TRPM1: variants seen among roughly 807,000 people sequenced by gnomAD.
TRPM1 encodes the protein TRPM1-203 APA Isoform, Intron 10.
A neutral mutation model predicts 149.4 loss-of-function variants in TRPM1; 113 were observed. The ratio of observed to expected loss-of-function variants is 0.76; its 90% CI spans 0.65 to 0.88. The LOEUF (loss-of-function observed/expected upper bound fraction) is 0.88, where lower values mean the gene tolerates loss of function less well. Ranked by LOEUF, TRPM1 falls within the 40% of genes least tolerant of loss-of-function variation. The probability of loss-of-function intolerance (pLI) is 0.00; values close to 1 mark genes in which losing one functional copy is unlikely to be tolerated. For missense variants in TRPM1, 1,976 were observed against 2,038.7 expected, an observed-to-expected ratio of 0.97 and a Z score of 0.59; for synonymous variants, 741 against 759.5, an observed-to-expected ratio of 0.98 and a Z score of 0.40.
chr15:31,109,278 G>C (rs2035649818), intron 1 of TRPM1, among the ~76,000 whole-genome samples: 1 of 121,170 alleles, frequency 8.3e-6, no homozygotes, highest in Non-Finnish European at 1.6e-5. Flanking sequence ...AGGTTGCAGT[G>C]ACCCGAGATC....
In TRPM1 at chr15:31,026,924, G is replaced by T. The variant is rs763463725; in HGVS notation, c.3487C>A (p.Arg1163Ser). 2 of 1,613,794 alleles carry T rather than the reference G, an allele frequency of 1.2e-6. No individual in the cohort carries two copies. Among genetic ancestry groups the T allele is most frequent in the Admixed American group, 1.7e-5 (1 of 60,004 alleles). ...KREGDQEERD[R>S]GLKLFLSDEE... ...AGAGCCCTGCACATACTCAATCCAC[G>T]ATCCCGTTCCTCTTGGTCCCCTTCT... The change falls in exon 26 of 28, where the codon CGT becomes AGT. Residue 1163 changes from arginine to serine, a missense_variant. Around this residue, in one of 3 missense-constraint regions of TRPM1, gnomAD observed 572 missense variants for 578.9 expected, o/e 0.99. Coordinates refer to ENST00000256552, the MANE Select transcript of TRPM1 (RefSeq NM_001252024.2).
At chr15:31,156,279 G>A (rs994272256) in intron 1 of TRPM1, among the ~76,000 whole-genome samples, 16 of 145,092 alleles carry the variant, frequency 1.1e-4, no homozygotes, top group African/African-American at 3.6e-4. Flanking sequence ...GAAATGGCCC[G>A]CCATCTTTTG....
chr15:31,058,784 T>C (rs1446752962), intron 11 of TRPM1, among the ~76,000 whole-genome samples: 1 of 152,130 alleles, frequency 6.6e-6, no homozygotes, highest in Non-Finnish European at 1.5e-5. Context: ...AGGTGACCAA[T>C]ATAAGAATTA....
chr15:31,025,046 A>G (rs2032676269), intron 27 of TRPM1, among the ~76,000 whole-genome samples: 1 of 152,166 alleles, frequency 6.6e-6, no homozygotes, highest in Non-Finnish European at 1.5e-5. Flanking sequence ...TGCACCAGGG[A>G]GACCTAAGGT....
At chr15:31,114,536 T>C (rs2035771894) in intron 1 of TRPM1, among the ~76,000 whole-genome samples, 1 of 152,224 alleles carries the variant, frequency 6.6e-6, no homozygotes, top group South Asian at 2.1e-4. Context: ...CAAACGATAG[T>C]GAAATTGTTG....
chr15:31,133,322 C>G (rs1389367658), intron 1 of TRPM1, among the ~76,000 whole-genome samples: 2 of 151,866 alleles, frequency 1.3e-5, no homozygotes, highest in East Asian at 3.9e-4. Flanking sequence ...AGTCCCAGTA[C>G]TTTGGGAGGC....
At chr15:31,034,054 G>A (rs1194916956) in intron 21 of TRPM1, among the ~76,000 whole-genome samples, 1 of 152,194 alleles carries the variant, frequency 6.6e-6, no homozygotes, top group Admixed American at 6.5e-5. Context: ...AGTATTGGTT[G>A]TATATCAGTT....
At chr15:31,160,336 C>T (rs1209859180) in intron 1 of TRPM1, among the ~76,000 whole-genome samples, 1 of 152,172 alleles carries the variant, frequency 6.6e-6, no homozygotes, top group African/African-American at 2.4e-5. Context: ...GGCCGTTCCC[C>T]ACAGCTGGTG....
intron 17 of TRPM1, 26 bp downstream of exon 17, chr15:31,041,925 C>T (rs1369759571): frequency 6.4e-5 from 104 of 1,613,776 alleles, no homozygotes; most frequent in Non-Finnish European, 8.8e-5. Context: ...TCTCTCCTGG[C>T]CTTTAAATCC....
In TRPM1 at chr15:31,127,110, T is replaced by A. The variant is rs551456982; in HGVS notation, c.54+33796A>T. Among the ~76,000 whole-genome samples the A allele has an allele frequency of 3.9e-5, 6 of 152,328 alleles. No homozygotes were observed. In the East Asian group the frequency reaches 1.2e-3, roughly 29 times the overall value. ...TGTTAAGCAATTTACCCCATGAAGC[T>A]GGTTTGTGAAGGCCCCAGGCTGAAG... On this transcript the variant is annotated intron_variant, in intron 1 of 26. Transcript: ENST00000542188.
At position 31,098,768 on chromosome 15, in the gene TRPM1, G is replaced by T. The variant is rs552728134; in HGVS notation, c.-84+2889C>A. 4.6e-5 allele frequency among the ~76,000 whole-genome samples: 7 copies of T among 152,126 alleles called. No homozygotes were observed. The East Asian group carries it at 7.8e-4, about 17-fold the overall frequency. On this transcript the variant is annotated intron_variant, in intron 1 of 27. Transcript: ENST00000256552. Reference sequence around the variant, plus strand: ...ACCCACCCTGGGGGAGCAGACACAGGATGGATAAGTTGTGATGAGGGAGGA... The same window carrying T: ...ACCCACCCTGGGGGAGCAGACACAGTATGGATAAGTTGTGATGAGGGAGGA...
intron 13 of TRPM1, among the ~76,000 whole-genome samples, chr15:31,048,521 G>T (rs1177681461): frequency 1.3e-5 from 2 of 152,158 alleles, no homozygotes; most frequent in Non-Finnish European, 2.9e-5. Context: ...AAGTTGGCCA[G>T]AATCAGTGGC....
chr15:31,009,683 C>A (rs1453818301), intron 27 of TRPM1, among the ~76,000 whole-genome samples: 1 of 151,970 alleles, frequency 6.6e-6, no homozygotes, highest in African/African-American at 2.4e-5. Flanking sequence ...AATGTTATAC[C>A]TTTTGTTATT....
chr15:31,034,537 C>T (rs571261442), intron 21 of TRPM1, among the ~76,000 whole-genome samples: 5 of 152,344 alleles, frequency 3.3e-5, no homozygotes, highest in African/African-American at 1.2e-4. Context: ...ACAGACTCCA[C>T]AGTGTCCAGT....
chr15:31,058,185 T>TA lies in TRPM1; in HGVS notation c.1263+2358dup, dbSNP rs58340925. 6.5e-4 allele frequency among the ~76,000 whole-genome samples: 97 copies of TA among 149,510 alleles called. No homozygotes were observed. In the South Asian group the frequency reaches 7.6e-3, roughly 12 times the overall value. On this transcript the variant is annotated intron_variant, in intron 11 of 27. Transcript: ENST00000256552. ...AAACTAAAGATACAATAAAAATACT[T>TA]AAAAAAAAAAAAGAATAGATACAGC...
intron 4 of TRPM1, 147 bp downstream of exon 4, chr15:31,069,865 CTAAAAGCCATGTGCACAGA>C (rs2034482721): frequency 6.3e-7 from 1 of 1,580,778 alleles, no homozygotes; most frequent in Non-Finnish European, 8.5e-7. Context: ...AGCCTCATGG[CTAAAAGCCATGTGCACAGA>C]TATATCTCTT....
intron 27 of TRPM1, among the ~76,000 whole-genome samples, chr15:31,022,612 A>C (rs993706542): frequency 6.6e-6 from 1 of 152,230 alleles, no homozygotes; most frequent in Non-Finnish European, 1.5e-5. Flanking sequence ...TTGGCTCTTG[A>C]GTCTGCTCCT....
At position 31,050,412 on chromosome 15, in the gene TRPM1, G is replaced by C; in HGVS notation, c.1434C>G (p.Asn478Lys). The C allele has an allele frequency of 3.7e-6, 6 of 1,614,106 alleles. No homozygotes were observed. Among genetic ancestry groups the C allele is most frequent in the Non-Finnish European group, 2.5e-6 (3 of 1,180,000 alleles). ...ATCTCTGTGACCTTCCACATACCCAGTTCAGCAGCTCTATCTTCCGGGGGT... is the reference window on the plus strand; with the variant it reads ...ATCTCTGTGACCTTCCACATACCCACTTCAGCAGCTCTATCTTCCGGGGGT... ...ETDPRKIELL[N>K]WVNALEQAML... The change falls in exon 12 of 28, where the codon AAC (asparagine) becomes AAG (lysine). Residue 478 changes from asparagine to lysine, a missense_variant. Asn to Lys is a moderately conservative substitution (Grantham distance 94). Coordinates refer to ENST00000256552, the MANE Select transcript of TRPM1 (RefSeq NM_001252024.2).
At chr15:31,046,507 T>C (rs2033768959) in intron 15 of TRPM1, among the ~76,000 whole-genome samples, 1 of 151,966 alleles carries the variant, frequency 6.6e-6, no homozygotes, top group Non-Finnish European at 1.5e-5. Context: ...TAGAGAGCTG[T>C]GGGGCTGTAA....
Sources: allele counts gnomAD v4.1 joint callset (sites outside exome capture counted in the v4.1 genomes callset), GRCh38; gene constraint gnomAD v4.1.1; regional missense constraint gnomAD v4.1.1; transcripts MANE v1.5; gene names NCBI Gene and HGNC (gene_info 2026-07-23, HGNC 2026-07-21).